Variants in ZNF169 observed in about 807,000 individuals in gnomAD.
The protein encoded by ZNF169 is zinc finger protein 169.
ZNF169 carries 11 observed loss-of-function variants against 12.0 expected under a neutral mutation model. The ratio of observed to expected loss-of-function variants is 0.92; its 90% CI spans 0.58 to 1.52. The LOEUF is 1.52. Ranked by LOEUF, ZNF169 falls within the 40% of genes most tolerant of loss-of-function variation. The pLI is 0.00. For synonymous variants in ZNF169, 302 were observed against 286.5 expected (o/e 1.05, Z -0.55); for missense variants, 722 against 744.0 (o/e 0.97, Z 0.34).
chr9:94,266,137 A>G (rs1432673192), intron 1 of ZNF169, among the ~76,000 whole-genome samples: 1 of 151,936 alleles, frequency 6.6e-6, no homozygotes, highest in East Asian at 1.9e-4. Flanking sequence ...TTTAAGGCTC[A>G]GGAAAGGCCT....
chr9:94,283,054 C>T (rs1830668208), intron 2 of ZNF169, among the ~76,000 whole-genome samples: 1 of 152,160 alleles, frequency 6.6e-6, no homozygotes, highest in Admixed American at 6.6e-5. Context: ...TTTACCTCTT[C>T]TGGATATTTT....
chr9:94,284,340 G>A (rs992310777), intron 2 of ZNF169, among the ~76,000 whole-genome samples: 26 of 152,036 alleles, frequency 1.7e-4, no homozygotes, highest in African/African-American at 4.8e-4. Context: ...CAGGAGAATC[G>A]CTTGAACCTG....
chr9:94,287,099 A>G (rs1830732034), intron 2 of ZNF169, among the ~76,000 whole-genome samples: 1 of 152,196 alleles, frequency 6.6e-6, no homozygotes, highest in African/African-American at 2.4e-5. Flanking sequence ...GTATCTACAT[A>G]TTATCAGCTT....
intron 1 of ZNF169, among the ~76,000 whole-genome samples, chr9:94,263,074 A>T (rs943740637): frequency 1.3e-5 from 2 of 152,198 alleles, no homozygotes; most frequent in Non-Finnish European, 2.9e-5. Flanking sequence ...TCTGTTGAGC[A>T]GTGATGAGCT....
intron 1 of ZNF169, among the ~76,000 whole-genome samples, chr9:94,270,806 ATT>A (rs1491340311): frequency 3.1e-5 from 1 of 32,122 alleles, no homozygotes; most frequent in African/African-American, 1.0e-4. Flanking sequence ...TAATATATAT[ATT>A]ATATTATATA....
At chr9:94,299,724 T>G in intron 4 of ZNF169, 91 bp from the exon 5 acceptor site, 9 of 1,513,008 alleles carry the variant, frequency 5.9e-6, no homozygotes, top group Non-Finnish European at 7.0e-6. Context: ...AAGATAAGTC[T>G]TTGTTGTGAA....
At chr9:94,282,457 A>T (rs1191725562) in intron 2 of ZNF169, among the ~76,000 whole-genome samples, 1 of 152,194 alleles carries the variant, frequency 6.6e-6, no homozygotes, top group Non-Finnish European at 1.5e-5. Flanking sequence ...GGCGGGGATG[A>T]CTTGAACAAG....
chr9:94,282,534 C>T (rs1009189188), intron 2 of ZNF169, among the ~76,000 whole-genome samples: 2 of 152,108 alleles, frequency 1.3e-5, no homozygotes, highest in African/African-American at 4.8e-5. Context: ...ATTAGCCTCT[C>T]CAAAGGAGGC....
chr9:94,293,432 T>A (rs1830889532), intron 4 of ZNF169: 1 of 567,664 alleles, frequency 1.8e-6, no homozygotes, highest in African/African-American at 1.9e-5. Context: ...TTTTATTTTT[T>A]TTGAGACAGA....
intron 1 of ZNF169, among the ~76,000 whole-genome samples, chr9:94,260,319 C>T (rs1285166126): frequency 3.9e-5 from 6 of 152,222 alleles, no homozygotes; most frequent in African/African-American, 1.2e-4. Context: ...TCCCAAAGTA[C>T]TGGGATTACA....
At chr9:94,285,223 T>C (rs531134858) in intron 2 of ZNF169, among the ~76,000 whole-genome samples, 3 of 152,132 alleles carry the variant, frequency 2.0e-5, no homozygotes, top group Non-Finnish European at 4.4e-5. Flanking sequence ...AGAATTAGAA[T>C]GCCTCAGCAA....
At chr9:94,265,579 CA>C (rs58394124) in intron 1 of ZNF169, among the ~76,000 whole-genome samples, 51,927 of 123,554 alleles carry the variant, frequency 0.42, 10,888 homozygotes, top group East Asian at 0.56. Flanking sequence ...GACTCTGTCT[CA>C]AAAAAAAAAA....
chr9:94,261,970 T>G (rs2118534082), intron 1 of ZNF169, among the ~76,000 whole-genome samples: 1 of 152,370 alleles, frequency 6.6e-6, no homozygotes, highest in South Asian at 2.1e-4. Flanking sequence ...TTAGTATCAC[T>G]TATTCAGGCT....
chr9:94,294,152 T>G (rs1300221205), intron 4 of ZNF169: 1 of 152,182 alleles, frequency 6.6e-6, no homozygotes, highest in East Asian at 1.9e-4. Flanking sequence ...TCTTAAAATA[T>G]ATACCGGCCA....
intron 2 of ZNF169, among the ~76,000 whole-genome samples, chr9:94,286,521 C>T (rs144698739): frequency 5.9e-4 from 90 of 151,934 alleles, no homozygotes; most frequent in African/African-American, 9.9e-4. Context: ...TGGATCAGGG[C>T]GGTGGATTTT....
chr9:94,300,889 C>A lies in ZNF169; in HGVS notation c.1331C>A (p.Thr444Asn). The A allele has an allele frequency of 1.9e-5, 31 of 1,611,920 alleles. No individual in the cohort carries two copies. Among genetic ancestry groups the A allele is most frequent in the Non-Finnish European group, 2.6e-5 (31 of 1,179,318 alleles). Residue 444 changes from threonine to asparagine, a missense_variant, in exon 5 of 5, where the codon ACC (threonine) becomes AAC (asparagine). Coordinates refer to ENST00000395395, the MANE Select transcript of ZNF169 (RefSeq NM_194320.4). Reference sequence around the variant, plus strand: ...GGGCGGGGTTTTAGCCAGAAGGTCACCCTCATTGGACACCAGAGGACACAC... The same window carrying A: ...GGGCGGGGTTTTAGCCAGAAGGTCAACCTCATTGGACACCAGAGGACACAC... ...QCGRGFSQKV[T>N]LIGHQRTHTG... is the part of the protein sequence containing the mutation.
intron 2 of ZNF169, among the ~76,000 whole-genome samples, chr9:94,279,837 A>G (rs1238501549): frequency 1.3e-5 from 2 of 152,174 alleles, no homozygotes; most frequent in Non-Finnish European, 2.9e-5. Context: ...TTGCAGGCCC[A>G]TACTTTATAA....
intron 2 of ZNF169, chr9:94,288,327 C>G: frequency 1.0e-6 from 1 of 965,916 alleles, no homozygotes; most frequent in Non-Finnish European, 1.7e-6. Flanking sequence ...TGTCGGTGTT[C>G]TATTTCTCTG....
intron 1 of ZNF169, among the ~76,000 whole-genome samples, chr9:94,264,019 T>C (rs1190063385): frequency 6.6e-6 from 1 of 152,240 alleles, no homozygotes; most frequent in Non-Finnish European, 1.5e-5. Flanking sequence ...GCTCTTGTAA[T>C]TGTATAGGTA....
Sources: allele counts gnomAD v4.1 joint callset (sites outside exome capture counted in the v4.1 genomes callset), GRCh38; gene constraint gnomAD v4.1.1; transcripts MANE v1.5; gene names NCBI Gene and HGNC (gene_info 2026-07-23, HGNC 2026-07-21).